Variants in OR6C4 observed in about 807,000 individuals in gnomAD.
OR6C4 encodes the protein olfactory receptor family 6 subfamily C member 4.
A neutral mutation model predicts 15.1 loss-of-function variants in OR6C4; 20 were observed. That is an observed-to-expected ratio of 1.32 (90% CI 0.93 to 1.92). The LOEUF (loss-of-function observed/expected upper bound fraction) is 1.92. Among genes scored for constraint, OR6C4 ranks in the 30% most tolerant of loss-of-function variants. The probability of loss-of-function intolerance (pLI) is 0.00; values close to 1 mark genes in which losing one functional copy is unlikely to be tolerated. For synonymous variants in OR6C4, 179 were observed against 134.2 expected (o/e 1.33, Z -2.31); for missense variants, 491 against 363.2 (o/e 1.35, Z -2.86).
rs746879968 is a variant in OR6C4 at position 55,553,813 on chromosome 12, G to A, written c.*1657G>A. ...CAACTTTCTACCAAAGTTACCTGGG[G>A]ATAGTTACTTGATCTCTCTAAGGCT... On this transcript the variant is annotated 3_prime_UTR_variant, in exon 2 of 2. Transcript: ENST00000641569. 1 of 152,060 alleles carries A rather than the reference G, an allele frequency of 6.6e-6. No individual in the cohort carries two copies. The highest frequency in any genetic ancestry group is 1.5e-5 in the Non-Finnish European group (1 of 67,996). The allele number at this position is 152,060 out of a possible 1,614,324, so 9.4% of individuals were successfully genotyped here.
chr12:55,554,649 C>T lies in OR6C4; in HGVS notation c.*2493C>T, dbSNP rs1238649204. 2.0e-5 allele frequency: 3 copies of T among 152,142 alleles called. No homozygotes were observed. The highest frequency in any genetic ancestry group is 7.2e-5 in the African/African-American group (3 of 41,442). 9.4% of individuals were successfully genotyped at this position (152,142 alleles called of 1,614,324 possible). A position where few individuals can be genotyped will look rare whatever the true frequency, so the allele number is the denominator to read the frequency against. ...GAAACAGCTTTAGCTGCCTAACATT[C>T]TCAGAATCATATTATACCAGTGCTA... On this transcript the variant is annotated 3_prime_UTR_variant, in exon 2 of 2. Transcript: ENST00000641569.
At position 55,552,740 on chromosome 12, in the gene OR6C4, G is replaced by C. The variant is rs1047527325; in HGVS notation, c.*584G>C. ...TTCCCTCCTTTCATAAGAGGAAAAT[G>C]AAAGAATATATATTTAGTCTACTTT... On this transcript the variant is annotated 3_prime_UTR_variant, in exon 2 of 2. Transcript: ENST00000641569. 2 of 152,010 alleles carry C rather than the reference G, an allele frequency of 1.3e-5. No homozygotes were observed. Among genetic ancestry groups the C allele is most frequent in the African/African-American group, 4.8e-5 (2 of 41,406 alleles). 9.4% of individuals were successfully genotyped at this position (152,010 alleles called of 1,614,324 possible). A position where few individuals can be genotyped will look rare whatever the true frequency, so the allele number is the denominator to read the frequency against.
rs190530981 is a variant in OR6C4, at chr12:55,553,275, C to A, written c.*1119C>A. ...GAATTTGAATAGGTAGTGGTAGTGTCCAATTTCAATGGAAGTAAGCACTTT... is the reference window on the plus strand; with the variant it reads ...GAATTTGAATAGGTAGTGGTAGTGTACAATTTCAATGGAAGTAAGCACTTT... On this transcript the variant is annotated 3_prime_UTR_variant, in exon 2 of 2. Coordinates refer to ENST00000641569, the MANE Select transcript of OR6C4 (RefSeq NM_001005494.2). 1.3e-5 allele frequency: 2 copies of A among 151,980 alleles called. No homozygotes were observed. The highest frequency in any genetic ancestry group is 4.8e-5 in the African/African-American group (2 of 41,384). 9.4% of individuals were successfully genotyped at this position (151,980 alleles called of 1,614,324 possible). A position where few individuals can be genotyped will look rare whatever the true frequency, so the allele number is the denominator to read the frequency against.
At chr12:55,551,058 G>C (rs771954301) in intron 1 of OR6C4, 151 bp from the exon 2 acceptor site, 263 of 569,996 alleles carry the variant, frequency 4.6e-4, no homozygotes, top group Admixed American at 1.1e-3. Context: ...TATGGGGCTT[G>C]CATGGAGCCA....
In OR6C4 at chr12:55,549,776, A is replaced by C. The variant is rs932879584; in HGVS notation, c.-361A>C. 1 of 152,044 alleles carries C rather than the reference A, an allele frequency of 6.6e-6. No individual in the cohort carries two copies. The highest frequency in any genetic ancestry group is 2.4e-5 in the African/African-American group (1 of 41,414). The allele number at this position is 152,044 out of a possible 1,614,324, so 9.4% of individuals were successfully genotyped here. On this transcript the variant is annotated 5_prime_UTR_variant, in exon 1 of 2. An upstream open reading frame in the 5' UTR loses its in-frame stop. Coordinates refer to ENST00000641569, the MANE Select transcript of OR6C4 (RefSeq NM_001005494.2). ...TCTGTCTCTCAGGAACTATGATTTG[A>C]TTCTGGATTGGATTCTTAGAATGGA...
intron 1 of OR6C4, 37 bp from the exon 2 acceptor site, chr12:55,551,172 C>A: frequency 7.9e-7 from 1 of 1,265,392 alleles, no homozygotes; most frequent in Non-Finnish European, 1.1e-6. Context: ...CTCTAAGAAA[C>A]TCTTCAATTT....
chr12:55,553,054 T>A lies in OR6C4; in HGVS notation c.*898T>A, dbSNP rs1031263845. ...AGAAAATTCTGTTATCTGGCTCTAC[T>A]TCTTTAACTTTCCCCCAGATTTTTG... On this transcript the variant is annotated 3_prime_UTR_variant, in exon 2 of 2. Coordinates refer to ENST00000641569, the MANE Select transcript of OR6C4 (RefSeq NM_001005494.2). 1.3e-5 allele frequency: 2 copies of A among 152,134 alleles called. No individual in the cohort carries two copies. Among genetic ancestry groups the A allele is most frequent in the Non-Finnish European group, 2.9e-5 (2 of 67,976 alleles). 9.4% of individuals were successfully genotyped at this position (152,134 alleles called of 1,614,324 possible).
rs751983070 is a variant in OR6C4 at position 55,551,467 on chromosome 12, A to G, written c.241A>G (p.Thr81Ala). Residue 81 changes from threonine to alanine, a missense_variant, in exon 2 of 2, where the codon ACC becomes GCC. By Grantham distance (58) the Thr-to-Ala change is moderately conservative. Coordinates refer to ENST00000641569, the MANE Select transcript of OR6C4 (RefSeq NM_001005494.2). ...FTSIFIPRFL[T>A]SMTTGNKVIS... ...ATCCATTTTTATTCCCAGATTTCTGACCAGCATGACAACAGGAAATAAAGT... is the reference window on the plus strand; with the variant it reads ...ATCCATTTTTATTCCCAGATTTCTGGCCAGCATGACAACAGGAAATAAAGT... 1.2e-6 allele frequency: 2 copies of G among 1,613,814 alleles called. No individual in the cohort carries two copies. The highest frequency in any genetic ancestry group is 1.7e-6 in the Non-Finnish European group (2 of 1,179,932).
At position 55,551,987 on chromosome 12, in the gene OR6C4, T is replaced by A. The variant is rs750973542; in HGVS notation, c.761T>A (p.Met254Lys). 1.2e-6 allele frequency: 2 copies of A among 1,613,770 alleles called. No individual in the cohort carries two copies. The highest frequency in any genetic ancestry group is 1.7e-5 in the Admixed American group (1 of 59,924). Residue 254 changes from methionine to lysine, a missense_variant, in exon 2 of 2, where the codon ATG becomes AAG. Coordinates refer to ENST00000641569, the MANE Select transcript of OR6C4 (RefSeq NM_001005494.2). ...IVISLSYGSC[M>K]FMYINPSAKE... ...ATCTCCCTCTCTTATGGCAGCTGCA[T>A]GTTTATGTACATTAATCCTTCTGCA...
At position 55,552,275 on chromosome 12, in the gene OR6C4, C is replaced by A; in HGVS notation, c.*119C>A. Reference sequence around the variant, plus strand: ...ATAGGAAAAGTATATGTCTTAATTTCAAGAAAACTATAGTCTAGAATCAAG... The same window carrying A: ...ATAGGAAAAGTATATGTCTTAATTTAAAGAAAACTATAGTCTAGAATCAAG... On this transcript the variant is annotated 3_prime_UTR_variant, in exon 2 of 2. Transcript: ENST00000641569. 1 of 623,646 alleles carries A rather than the reference C, an allele frequency of 1.6e-6. No individual in the cohort carries two copies. The highest frequency in any genetic ancestry group is 2.7e-6 in the Non-Finnish European group (1 of 372,364). 38.6% of individuals were successfully genotyped at this position (623,646 alleles called of 1,614,324 possible). A position where few individuals can be genotyped will look rare whatever the true frequency, so the allele number is the denominator to read the frequency against.
At chr12:55,550,653 A>C (rs549277550) in intron 1 of OR6C4, among the ~76,000 whole-genome samples, 2 of 152,316 alleles carry the variant, frequency 1.3e-5, no homozygotes, top group South Asian at 4.1e-4. Flanking sequence ...CACAATACAA[A>C]ATGAGATGAT....
In OR6C4 at chr12:55,551,904, C is replaced by T; in HGVS notation, c.678C>T (p.Ile226=). 6.2e-7 allele frequency: 1 copy of T among 1,613,782 alleles called. No homozygotes were observed. Among genetic ancestry groups the T allele is most frequent in the Non-Finnish European group, 8.5e-7 (1 of 1,179,892 alleles). ...YTYIIRTILR[I]PSAQQRTKAF... is the part of the protein sequence containing the mutation. The stretch of plus-strand genomic sequence containing the variant: ...ACATTATCAGGACTATTCTGAGGAT[C>T]CCTTCTGCCCAGCAAAGGACAAAGG... The change falls in exon 2 of 2, where the codon ATC becomes ATT. Residue 226 remains isoleucine, a synonymous_variant. Coordinates refer to ENST00000641569, the MANE Select transcript of OR6C4 (RefSeq NM_001005494.2).
In OR6C4 at chr12:55,553,825, ATCTC is replaced by A. The variant is rs1307920319; in HGVS notation, c.*1673_*1676del. The A allele has an allele frequency of 6.6e-6, 1 of 152,142 alleles. No individual in the cohort carries two copies. The highest frequency in any genetic ancestry group is 2.4e-5 in the African/African-American group (1 of 41,452). The allele number at this position is 152,142 out of a possible 1,614,324, so 9.4% of individuals were successfully genotyped here. The stretch of plus-strand genomic sequence containing the variant: ...AAAGTTACCTGGGGATAGTTACTTG[ATCTC>A]TCTAAGGCTCACCTCTGTCAACTCT... On this transcript the variant is annotated 3_prime_UTR_variant, in exon 2 of 2. Coordinates refer to ENST00000641569, the MANE Select transcript of OR6C4 (RefSeq NM_001005494.2).
chr12:55,551,884 A>T lies in OR6C4; in HGVS notation c.658A>T (p.Ile220Phe). ...GGTGACACTTTCTTACACATACATT[A>T]TCAGGACTATTCTGAGGATCCCTTC... ...VLVTLSYTYIIRTILRIPSAQ... is the reference protein window; with the variant it reads ...VLVTLSYTYIFRTILRIPSAQ... Residue 220 changes from isoleucine to phenylalanine, a missense_variant, in exon 2 of 2, where the codon ATC becomes TTC. By Grantham distance (21) the Ile-to-Phe change is conservative (BLOSUM62 0). Transcript: ENST00000641569. The T allele has an allele frequency of 6.2e-7, 1 of 1,613,810 alleles. No individual in the cohort carries two copies. Among genetic ancestry groups the T allele is most frequent in the Non-Finnish European group, 8.5e-7 (1 of 1,179,910 alleles).
chr12:55,553,852 T>C lies in OR6C4; in HGVS notation c.*1696T>C, dbSNP rs111977456. On this transcript the variant is annotated 3_prime_UTR_variant, in exon 2 of 2. Transcript: ENST00000641569. ...CTCTCTAAGGCTCACCTCTGTCAAC[T>C]CTAAAATGTTTACAATAATAGTGTC... is the stretch of plus-strand genomic sequence containing the variant. The C allele has an allele frequency of 2.0e-5, 3 of 152,306 alleles. No individual in the cohort carries two copies. Among genetic ancestry groups the C allele is most frequent in the African/African-American group, 7.2e-5 (3 of 41,578 alleles). 9.4% of individuals were successfully genotyped at this position (152,306 alleles called of 1,614,324 possible).
rs1057202215 is a variant in OR6C4 at position 55,552,166 on chromosome 12, T to C, written c.*10T>C. ...GATTGTGAAACTTTAAAAAAGGAGA[T>C]TACACTTCAAAATACATTTTCACTT... is the stretch of plus-strand genomic sequence containing the variant. On this transcript the variant is annotated 3_prime_UTR_variant, in exon 2 of 2. Transcript: ENST00000641569. 7.1e-6 allele frequency: 11 copies of C among 1,556,716 alleles called. No individual in the cohort carries two copies. In the East Asian group the frequency reaches 9.0e-5, roughly 13 times the overall value.
At position 55,551,327 on chromosome 12, in the gene OR6C4, T is replaced by G. The variant is rs779130966; in HGVS notation, c.101T>G (p.Met34Arg). 1 of 1,613,692 alleles carries G rather than the reference T, an allele frequency of 6.2e-7. No individual in the cohort carries two copies. Among genetic ancestry groups the G allele is most frequent in the South Asian group, 1.1e-5 (1 of 91,056 alleles). Reference sequence around the variant, plus strand: ...TTCATCTTTCTGTTCCTCACCTACATGCTAAGTATCCTAGGAAATCTGACT... The same window carrying G: ...TTCATCTTTCTGTTCCTCACCTACAGGCTAAGTATCCTAGGAAATCTGACT... ...MIFIFLFLTY[M>R]LSILGNLTII... The change falls in exon 2 of 2, where the codon ATG becomes AGG. Residue 34 changes from methionine to arginine, a missense_variant. By Grantham distance (91) the Met-to-Arg change is moderately conservative (BLOSUM62 -1). Transcript: ENST00000641569.
chr12:55,554,228 A>G lies in OR6C4; in HGVS notation c.*2072A>G, dbSNP rs1218559420. The stretch of plus-strand genomic sequence containing the variant: ...AGCAGGTTATAAGAACTGGGCTAGC[A>G]TCAACTTCATTGCCCTAGATATCTA... On this transcript the variant is annotated 3_prime_UTR_variant, in exon 2 of 2. Transcript: ENST00000641569. 2 of 152,200 alleles carry G rather than the reference A, an allele frequency of 1.3e-5. No homozygotes were observed. Among genetic ancestry groups the G allele is most frequent in the Non-Finnish European group, 2.9e-5 (2 of 68,020 alleles). 9.4% of individuals were successfully genotyped at this position (152,200 alleles called of 1,614,324 possible). A position where few individuals can be genotyped will look rare whatever the true frequency, so the allele number is the denominator to read the frequency against.
chr12:55,552,760 T>A lies in OR6C4; in HGVS notation c.*604T>A, dbSNP rs138989498. On this transcript the variant is annotated 3_prime_UTR_variant, in exon 2 of 2. Transcript: ENST00000641569. ...AAAATGAAAGAATATATATTTAGTC[T>A]ACTTTTCTCCAAATGAGGAGAAAAT... is the stretch of plus-strand genomic sequence containing the variant. 3.0e-3 allele frequency: 456 copies of A among 152,232 alleles called. 1 individual carries two copies. Among genetic ancestry groups the A allele is most frequent in the African/African-American group, 0.01 (430 of 41,566 alleles). The allele number at this position is 152,232 out of a possible 1,614,324, so 9.4% of individuals were successfully genotyped here. A position where few individuals can be genotyped will look rare whatever the true frequency, so the allele number is the denominator to read the frequency against.
Sources: gnomAD v4.1 joint callset for allele counts (sites outside exome capture counted in the v4.1 genomes callset) on GRCh38, gnomAD v4.1.1 for gene constraint, MANE v1.5 for transcripts, NCBI Gene and HGNC (gene_info 2026-07-23, HGNC 2026-07-21) for gene names.